The following SCRN1 variants were observed in gnomAD, a reference collection of about 807,000 sequenced individuals.
SCRN1 encodes the protein secernin-1.
SCRN1 carries 19 observed loss-of-function variants against 43.3 expected under a neutral mutation model. That is an observed-to-expected ratio of 0.44 (90% CI 0.31 to 0.64). SCRN1 has a LOEUF of 0.64. SCRN1 is among the 30% of genes least tolerant of loss of function. The probability of loss-of-function intolerance (pLI) is 0.09; values close to 1 mark genes in which losing one functional copy is unlikely to be tolerated. For missense variants in SCRN1, 447 were observed against 524.1 expected, an observed-to-expected ratio of 0.85 and a Z score of 1.44; for synonymous variants, 183 against 188.9, an observed-to-expected ratio of 0.97 and a Z score of 0.26.
chr7:29,926,261 A>T (rs1290670210), intron 7 of SCRN1, among the ~76,000 whole-genome samples, 191 bp downstream of exon 7: 1 of 152,222 alleles, frequency 6.6e-6, no homozygotes, highest in African/African-American at 2.4e-5. Flanking sequence ...ATTTGGTTTC[A>T]AGAGCCTGGG....
intron 3 of SCRN1, among the ~76,000 whole-genome samples, chr7:29,944,449 T>C (rs1011390083): frequency 6.3e-4 from 96 of 152,070 alleles, no homozygotes; most frequent in Non-Finnish European, 1.0e-3. Flanking sequence ...TTGCTTGAGC[T>C]CAGGAGTTCA....
At chr7:29,951,907 G>A (rs1220108527) in intron 3 of SCRN1, among the ~76,000 whole-genome samples, 1 of 152,194 alleles carries the variant, frequency 6.6e-6, no homozygotes, top group Non-Finnish European at 1.5e-5. Context: ...ACCAGGATAA[G>A]TATAGGGGCA....
At chr7:29,941,184 T>C (rs748076020) in intron 4 of SCRN1, among the ~76,000 whole-genome samples, 5 of 152,186 alleles carry the variant, frequency 3.3e-5, no homozygotes, top group Middle Eastern at 3.2e-3. Context: ...GCCCCAAGCA[T>C]TCATTAGTTA....
At chr7:29,948,605 A>G (rs1161504038) in intron 3 of SCRN1, among the ~76,000 whole-genome samples, 1 of 152,254 alleles carries the variant, frequency 6.6e-6, no homozygotes, top group African/African-American at 2.4e-5. Flanking sequence ...ATGTTCTGAA[A>G]TATTGGAATT....
In SCRN1 at chr7:29,940,080, G is replaced by T. The variant is rs551844055; in HGVS notation, c.739+602C>A. Among the ~76,000 whole-genome samples the T allele has an allele frequency of 3.3e-5, 5 of 152,256 alleles. No homozygotes were observed. The South Asian group carries it at 1.0e-3, about 32-fold the overall frequency. On this transcript the variant is annotated intron_variant, in intron 5 of 7. Transcript: ENST00000242059. The stretch of plus-strand genomic sequence containing the variant: ...GGGTGCAGCTGAGGGAGGATCGCTT[G>T]AGTTCAGGAGGTGGAAGCTGCAGTG...
chr7:29,971,922 C>A (rs571603740), intron 1 of SCRN1, among the ~76,000 whole-genome samples: 1 of 152,164 alleles, frequency 6.6e-6, no homozygotes, highest in Non-Finnish European at 1.5e-5. Flanking sequence ...AATGGAGGAG[C>A]CCCCACAATT....
At chr7:29,982,013 G>C (rs2127932142) in intron 1 of SCRN1, among the ~76,000 whole-genome samples, 1 of 152,228 alleles carries the variant, frequency 6.6e-6, no homozygotes, top group East Asian at 1.9e-4. Flanking sequence ...GGAGGCCTGT[G>C]GTTGATATAC....
At chr7:29,978,446 C>T (rs1281246586) in intron 1 of SCRN1, among the ~76,000 whole-genome samples, 2 of 152,130 alleles carry the variant, frequency 1.3e-5, no homozygotes, top group African/African-American at 2.4e-5. Flanking sequence ...CCAATGAAAG[C>T]GCCACCTCTC....
chr7:29,942,622 C>T (rs937341091), intron 4 of SCRN1, among the ~76,000 whole-genome samples: 1 of 152,118 alleles, frequency 6.6e-6, no homozygotes, highest in African/African-American at 2.4e-5. Context: ...GAGTTGGAGA[C>T]CTGGTGGGCT....
chr7:29,932,914 T>C (rs1787208299), intron 6 of SCRN1, among the ~76,000 whole-genome samples: 1 of 152,076 alleles, frequency 6.6e-6, no homozygotes. Flanking sequence ...TCTCACTCTG[T>C]CATGCAGGCT....
chr7:29,962,942 G>T (rs1169007861), intron 2 of SCRN1, among the ~76,000 whole-genome samples: 1 of 151,968 alleles, frequency 6.6e-6, no homozygotes, highest in African/African-American at 2.4e-5. Flanking sequence ...AACTAAAGGG[G>T]TAAGAGTAAG....
At position 29,940,747 on chromosome 7, in the gene SCRN1, A is replaced by G. The variant is rs769325526; in HGVS notation, c.674T>C (p.Val225Ala). The G allele has an allele frequency of 1.5e-5, 24 of 1,608,626 alleles. No individual in the cohort carries two copies. The East Asian group carries it at 4.5e-4, about 30-fold the overall frequency. The change falls in exon 5 of 8, where the codon GTC (valine) becomes GCC (alanine). Residue 225 changes from valine (V) to alanine (A), a missense_variant. Val to Ala is a moderately conservative substitution (Grantham distance 64, BLOSUM62 0). Transcript: ENST00000242059. ...TGEGEFNFSE[V>A]FSPVEDHLDC... ...TAGATGATCCTCAACTGGAGAAAAG[A>G]CTTCGGAAAAATTGAACTCGCCCTC...
At chr7:29,941,642 G>GT (rs1583661797) in intron 4 of SCRN1, among the ~76,000 whole-genome samples, 1 of 152,216 alleles carries the variant, frequency 6.6e-6, no homozygotes, top group Non-Finnish European at 1.5e-5. Context: ...AAATAGAAGT[G>GT]TGACTAAATA....
Position 29,965,948 on chromosome 7 carries a change from G to C in SCRN1, c.159+2961C>G, listed in dbSNP as rs766526406. On this transcript the variant is annotated intron_variant, in intron 2 of 7. Coordinates refer to ENST00000242059, the MANE Select transcript of SCRN1 (RefSeq NM_014766.5). This position sits in a 1 kb window ranked among gnomAD's most constrained non-coding sequence, Gnocchi z 4.2. ...TGGCTTTGTGTGATTTTTGAAGTTA[G>C]TATGGCTACTTAACAAATTACCCCA... Among the ~76,000 whole-genome samples the C allele has an allele frequency of 4.6e-5, 7 of 152,080 alleles. No individual in the cohort carries two copies. The highest frequency in any genetic ancestry group is 1.0e-4 in the Non-Finnish European group (7 of 68,036).
chr7:29,968,501 T>C (rs1788568166), intron 2 of SCRN1, among the ~76,000 whole-genome samples: 2 of 152,214 alleles, frequency 1.3e-5, no homozygotes, highest in Admixed American at 6.5e-5. Context: ...AGGATGAATA[T>C]GCACATGTGT....
At chr7:29,942,230 AT>A (rs1336583759) in intron 4 of SCRN1, among the ~76,000 whole-genome samples, 2 of 152,214 alleles carry the variant, frequency 1.3e-5, no homozygotes, top group East Asian at 1.9e-4. Context: ...CAGTGGGCAG[AT>A]TTATAGTAGA....
chr7:29,958,243 C>G (rs1788201154), intron 2 of SCRN1, among the ~76,000 whole-genome samples: 1 of 152,226 alleles, frequency 6.6e-6, no homozygotes, highest in Non-Finnish European at 1.5e-5. Flanking sequence ...TGTTTTAAAT[C>G]TGGCTAATCA....
Position 29,924,171 on chromosome 7 carries a change from C to T in SCRN1, c.1087-56G>A, listed in dbSNP as rs532312947. 6.2e-4 allele frequency: 967 copies of T among 1,551,408 alleles called. 1 individual carries two copies. The highest frequency in any genetic ancestry group is 8.0e-4 in the Non-Finnish European group (914 of 1,149,376). ...AGCAAAATAGCAGGGGACATTGCAG[C>T]GGACACTGAAACCCTCTAGGGGGCC... On this transcript the variant is annotated intron_variant, in intron 7 of 7. Coordinates refer to ENST00000242059, the MANE Select transcript of SCRN1 (RefSeq NM_014766.5).
Position 29,926,746 on chromosome 7 carries a change from G to C in SCRN1, c.906-114C>G, listed in dbSNP as rs370044593. 8.1e-4 allele frequency: 603 copies of C among 746,970 alleles called. 2 individuals carry two copies. The African/African-American group carries it at 0.01, about 13-fold the overall frequency. The allele number at this position is 746,970 out of a possible 1,614,324, so 46.3% of individuals were successfully genotyped here. A position where few individuals can be genotyped will look rare whatever the true frequency, so the allele number is the denominator to read the frequency against. The stretch of plus-strand genomic sequence containing the variant: ...CAAGCCAACTTATGGTGGGTGGTGG[G>C]TGTGGGTGACGGGTGGGTGGGTGAG... On this transcript the variant is annotated intron_variant, in intron 6 of 7. Coordinates refer to ENST00000242059, the MANE Select transcript of SCRN1 (RefSeq NM_014766.5).
Sources: allele counts gnomAD v4.1 joint callset (sites outside exome capture counted in the v4.1 genomes callset), GRCh38; gene constraint gnomAD v4.1.1; non-coding constraint Gnocchi (gnomAD v3.1); transcripts MANE v1.5; gene names NCBI Gene and HGNC (gene_info 2026-07-23, HGNC 2026-07-21).